The following HSD17B12 variants were observed in gnomAD, a reference collection of about 807,000 sequenced individuals.
The protein encoded by HSD17B12 is hydroxysteroid 17-beta dehydrogenase 12.
Under a neutral mutation model 39.3 loss-of-function variants are expected in HSD17B12, and 32 were observed. That is an observed-to-expected ratio of 0.81 (90% CI 0.61 to 1.09). The LOEUF (loss-of-function observed/expected upper bound fraction) is 1.09, where lower values mean the gene tolerates loss of function less well. Ranked by LOEUF, HSD17B12 falls within the 50% of genes least tolerant of loss-of-function variation. HSD17B12 has a pLI of 0.00. For missense variants in HSD17B12, 342 were observed against 382.9 expected (o/e 0.89, Z 0.89); for synonymous variants, 150 against 146.7 (o/e 1.02, Z -0.16).
the HSD17B12 span, among the ~76,000 whole-genome samples, chr11:43,617,378 G>A: frequency 3.9e-4 from 59 of 152,136 alleles, 1 homozygote; most frequent in Non-Finnish European, 7.2e-4. Context: ...TCTGACTTTG[G>A]GATGGTAAGA....
upstream of HSD17B12, among the ~76,000 whole-genome samples, chr11:43,678,863 T>G (rs1949715665): frequency 1.3e-5 from 2 of 152,192 alleles, no homozygotes; most frequent in Non-Finnish European, 2.9e-5. Flanking sequence ...TGAAGTCAGG[T>G]AGTGTGATGC....
intron 3 of HSD17B12, among the ~76,000 whole-genome samples, chr11:43,786,507 G>A (rs1001256207): frequency 6.6e-6 from 1 of 152,058 alleles, no homozygotes; most frequent in Non-Finnish European, 1.5e-5. Context: ...TAGTGAAGAG[G>A]GCAGAGAATG....
intron 3 of HSD17B12, among the ~76,000 whole-genome samples, chr11:43,797,656 C>T (rs1950927239): frequency 6.6e-6 from 1 of 152,166 alleles, no homozygotes; most frequent in Admixed American, 6.5e-5. Flanking sequence ...AGTTTTGTTC[C>T]TCCAGGGTCT....
chr11:43,631,619 CTCTG>C, the HSD17B12 span, among the ~76,000 whole-genome samples: 56,617 of 150,150 alleles, frequency 0.38, 11,864 homozygotes, highest in East Asian at 0.74. Flanking sequence ...GTCTCTCTCT[CTCTG>C]TCTGTCTGTC....
chr11:43,647,442 A>ATTTTTT, the HSD17B12 span, among the ~76,000 whole-genome samples: 3 of 123,260 alleles, frequency 2.4e-5, no homozygotes, highest in Non-Finnish European at 4.9e-5. Flanking sequence ...CACCTTGCTA[A>ATTTTTT]TTTTTTTTTT....
rs539340669 is a variant in HSD17B12 at position 43,692,703 on chromosome 11, G to A, written c.160+11716G>A. On this transcript the variant is annotated intron_variant, in intron 1 of 10. Coordinates refer to ENST00000278353, the MANE Select transcript of HSD17B12 (RefSeq NM_016142.3). ...AATTCGTGAAAAATTAAATTCTAGAGTGTGTTGACCAAAATGTAGTTTTTA... is the reference window on the plus strand; with the variant it reads ...AATTCGTGAAAAATTAAATTCTAGAATGTGTTGACCAAAATGTAGTTTTTA... Among the ~76,000 whole-genome samples, 217 of 152,280 alleles carry A rather than the reference G, an allele frequency of 1.4e-3. 1 individual carries two copies. Among genetic ancestry groups the A allele is most frequent in the South Asian group, 3.3e-3 (16 of 4,830 alleles).
intron 1 of HSD17B12, among the ~76,000 whole-genome samples, chr11:43,713,805 T>C (rs1275823874): frequency 6.6e-6 from 1 of 152,216 alleles, no homozygotes; most frequent in Non-Finnish European, 1.5e-5. Flanking sequence ...CCTGACTTTT[T>C]AATGATTGCC....
At chr11:43,750,684 G>A (rs1950457397) in intron 1 of HSD17B12, among the ~76,000 whole-genome samples, 1 of 152,186 alleles carries the variant, frequency 6.6e-6, no homozygotes, top group South Asian at 2.1e-4. Context: ...AGCAATGTGT[G>A]AGAGTCTAGT....
chr11:43,719,799 C>A (rs542458178), intron 1 of HSD17B12, among the ~76,000 whole-genome samples: 1 of 152,182 alleles, frequency 6.6e-6, no homozygotes, highest in African/African-American at 2.4e-5. Flanking sequence ...GCTTTTCAAC[C>A]TGCTTCTTAC....
At chr11:43,588,580 T>C in the HSD17B12 span, among the ~76,000 whole-genome samples, 2 of 137,676 alleles carry the variant, frequency 1.5e-5, no homozygotes, top group Non-Finnish European at 3.2e-5. Context: ...TAGTCAGTGT[T>C]CAAAAAATGT....
At chr11:43,747,389 G>T (rs975093731) in intron 1 of HSD17B12, among the ~76,000 whole-genome samples, 1 of 152,168 alleles carries the variant, frequency 6.6e-6, no homozygotes. Context: ...CTTCAATAAG[G>T]CTTTGATGGA....
At chr11:43,566,534 C>T in the HSD17B12 span, among the ~76,000 whole-genome samples, 3 of 144,940 alleles carry the variant, frequency 2.1e-5, no homozygotes, top group African/African-American at 5.1e-5. Flanking sequence ...TGACCCAGAA[C>T]TTTTTTTTTT....
chr11:43,755,766 A>T (rs956158690), intron 3 of HSD17B12, among the ~76,000 whole-genome samples: 4 of 152,248 alleles, frequency 2.6e-5, no homozygotes, highest in African/African-American at 9.6e-5. Flanking sequence ...TTTCCAGACC[A>T]TAGCTGGTCC....
chr11:43,609,584 G>A, the HSD17B12 span, among the ~76,000 whole-genome samples: 3 of 151,938 alleles, frequency 2.0e-5, no homozygotes, highest in African/African-American at 7.3e-5. Context: ...TGCCCAGGAT[G>A]GTCTACAACT....
chr11:43,854,791 C>T lies in HSD17B12; in HGVS notation c.761C>T (p.Thr254Met), dbSNP rs202075210. Reference sequence around the variant, plus strand: ...ACTTTGGATAAGCCCTCTCCGGAGACGTTTGTGAAGTCTGCAATTAAAACA... The same window carrying T: ...ACTTTGGATAAGCCCTCTCCGGAGATGTTTGTGAAGTCTGCAATTAAAACA... ...KPTLDKPSPE[T>M]FVKSAIKTVG... The change falls in exon 10 of 11, where the codon ACG (threonine) becomes ATG (methionine). Residue 254 changes from threonine to methionine, a missense_variant. Coordinates refer to ENST00000278353, the MANE Select transcript of HSD17B12 (RefSeq NM_016142.3). 1.3e-4 allele frequency: 202 copies of T among 1,614,034 alleles called. No individual in the cohort carries two copies. The highest frequency in any genetic ancestry group is 3.3e-4 in the Middle Eastern group (2 of 6,084).
chr11:43,568,799 C>A, the HSD17B12 span, among the ~76,000 whole-genome samples: 1 of 152,162 alleles, frequency 6.6e-6, no homozygotes. Context: ...TTTTTAATTA[C>A]ATAAAATAAA....
At chr11:43,850,964 G>A (rs1240621418) in intron 9 of HSD17B12, among the ~76,000 whole-genome samples, 4 of 152,236 alleles carry the variant, frequency 2.6e-5, no homozygotes, top group Non-Finnish European at 5.9e-5. Flanking sequence ...AGGAGGCTGA[G>A]GCAGGGGAAT....
the HSD17B12 span, among the ~76,000 whole-genome samples, chr11:43,638,654 AC>A: frequency 2.8e-3 from 426 of 152,246 alleles, 4 homozygotes; most frequent in African/African-American, 9.8e-3. Context: ...CTAGTGTTGA[AC>A]CTAGTAAGCA....
chr11:43,766,394 T>A (rs1269185852), intron 3 of HSD17B12, among the ~76,000 whole-genome samples: 1 of 152,168 alleles, frequency 6.6e-6, no homozygotes, highest in Non-Finnish European at 1.5e-5. Context: ...TTCTTTATTG[T>A]CCAATGTCTG....
Sources: allele counts gnomAD v4.1 joint callset (sites outside exome capture counted in the v4.1 genomes callset), GRCh38; gene constraint gnomAD v4.1.1; transcripts MANE v1.5; gene names NCBI Gene and HGNC (gene_info 2026-07-23, HGNC 2026-07-21).